The following AFF3 variants were observed in gnomAD, a reference collection of about 807,000 sequenced individuals.
AFF3 encodes AF4/FMR2 family member 3.
In AFF3, 32 loss-of-function variants were observed where a neutral mutation model predicts 129.7. That is an observed-to-expected ratio of 0.25 (90% CI 0.19 to 0.33). The LOEUF is 0.33. Among genes scored for constraint, AFF3 ranks in the 10% least tolerant of loss-of-function variants. The probability of loss-of-function intolerance (pLI) is 1.00; values close to 1 mark genes in which losing one functional copy is unlikely to be tolerated. For missense variants in AFF3, 1,373 were observed against 1,592.0 expected, an observed-to-expected ratio of 0.86 and a Z score of 2.34; for synonymous variants, 644 against 635.4, an observed-to-expected ratio of 1.01 and a Z score of -0.20.
At chr2:99,853,890 T>C (rs1042809870) in intron 7 of AFF3, among the ~76,000 whole-genome samples, 3 of 152,232 alleles carry the variant, frequency 2.0e-5, no homozygotes, top group Non-Finnish European at 4.4e-5. Context: ...AAATTTATAA[T>C]GGAAATCCTT....
intron 7 of AFF3, among the ~76,000 whole-genome samples, chr2:99,909,129 C>T (rs1694935850): frequency 6.6e-6 from 1 of 152,028 alleles, no homozygotes; most frequent in African/African-American, 2.4e-5. Flanking sequence ...AAATGTGGCA[C>T]ATATACACCA....
chr2:99,624,643 TCTC>T (rs1434369840), intron 13 of AFF3, among the ~76,000 whole-genome samples: 2 of 151,840 alleles, frequency 1.3e-5, no homozygotes, highest in African/African-American at 4.8e-5. Context: ...AATAGAAAAA[TCTC>T]CTCAGCCTCA....
In AFF3 at chr2:99,944,954, C is replaced by T. The variant is rs148672506; in HGVS notation, c.873+61678G>A. Among the ~76,000 whole-genome samples the T allele has an allele frequency of 5.5e-3, 832 of 152,312 alleles. 8 individuals are homozygous for T. The highest frequency in any genetic ancestry group is 0.019 in the African/African-American group (799 of 41,556). On this transcript the variant is annotated intron_variant, in intron 7 of 24. Coordinates refer to ENST00000672756, the MANE Select transcript of AFF3 (RefSeq NM_001386135.1). ...AGAAAATGCAGTCATAAGGACTTCA[C>T]GTGAGTCTTTGAGTAGAATTCAACC...
At chr2:99,583,093 G>A in intron 16 of AFF3, 94 bp from the exon 17 acceptor site, 1 of 1,091,786 alleles carries the variant, frequency 9.2e-7, no homozygotes, top group Non-Finnish European at 1.4e-6. Flanking sequence ...ACTGGGACCT[G>A]TTGGTAGGAG....
intron 4 of AFF3, among the ~76,000 whole-genome samples, chr2:100,060,520 A>G (rs911105871): frequency 2.6e-5 from 4 of 152,214 alleles, no homozygotes; most frequent in African/African-American, 9.6e-5. Context: ...TTGCTGAAAT[A>G]CAGGTAACAC....
chr2:99,802,783 C>T (rs1469466608), intron 8 of AFF3, among the ~76,000 whole-genome samples: 2 of 147,538 alleles, frequency 1.4e-5, no homozygotes, highest in Admixed American at 6.8e-5. Context: ...TATAGCAGTG[C>T]TACTGATTTG....
At chr2:99,766,038 C>T in intron 8 of AFF3, among the ~76,000 whole-genome samples, 1 of 152,220 alleles carries the variant, frequency 6.6e-6, no homozygotes, top group Non-Finnish European at 1.5e-5. Flanking sequence ...CCCTTGCAGG[C>T]ACCAGCTTGG....
intron 8 of AFF3, among the ~76,000 whole-genome samples, chr2:99,797,652 G>A (rs1296231554): frequency 1.3e-5 from 2 of 151,958 alleles, no homozygotes; most frequent in African/African-American, 2.4e-5. Context: ...AAAACCAGTG[G>A]TAAAAGAGAA....
chr2:99,726,975 C>T (rs1679410353), intron 11 of AFF3, 102 bp downstream of exon 11: 2 of 1,048,556 alleles, frequency 1.9e-6, no homozygotes, highest in Admixed American at 6.0e-5. Flanking sequence ...CCATGGGCTT[C>T]CTTCCATCAT....
chr2:99,550,608 T>C lies in AFF3; in HGVS notation c.*866A>G, dbSNP rs981182857. 8.6e-6 allele frequency: 2 copies of C among 232,704 alleles called. No individual in the cohort carries two copies. Among genetic ancestry groups the C allele is most frequent in the South Asian group, 3.6e-4 (2 of 5,520 alleles). 14.4% of individuals were successfully genotyped at this position (232,704 alleles called of 1,614,324 possible). A position where few individuals can be genotyped will look rare whatever the true frequency, so the allele number is the denominator to read the frequency against. On this transcript the variant is annotated 3_prime_UTR_variant, in exon 25 of 25. Transcript: ENST00000672756. ...CACAGTGGCAGGAAGAAGAAATGCA[T>C]GTGGCTGGTGGGCTTGTTATCACAG...
chr2:99,615,601 C>T (rs1681343358), intron 13 of AFF3, among the ~76,000 whole-genome samples: 1 of 152,244 alleles, frequency 6.6e-6, no homozygotes, highest in African/African-American at 2.4e-5. Flanking sequence ...CAACTCCTCC[C>T]CTGGCAGAGG....
At chr2:99,969,510 C>CA (rs1166316511) in intron 7 of AFF3, among the ~76,000 whole-genome samples, 1 of 103,472 alleles carries the variant, frequency 9.7e-6, no homozygotes, top group East Asian at 1.9e-4. Flanking sequence ...TTTTTTGAGA[C>CA]AGAGTTTCAC....
At chr2:99,726,162 A>G (rs570715069) in intron 11 of AFF3, among the ~76,000 whole-genome samples, 1 of 152,366 alleles carries the variant, frequency 6.6e-6, no homozygotes, top group East Asian at 1.9e-4. Flanking sequence ...ATATAATCAT[A>G]TCTCTTATGA....
chr2:100,126,335 T>C (rs974963509), intron 2 of AFF3, among the ~76,000 whole-genome samples: 8 of 152,188 alleles, frequency 5.3e-5, no homozygotes, highest in Non-Finnish European at 1.2e-4. Flanking sequence ...CTCAGGAGCA[T>C]GAGGCCGGGC....
chr2:99,904,514 A>G (rs1694572407), intron 7 of AFF3, among the ~76,000 whole-genome samples: 2 of 152,116 alleles, frequency 1.3e-5, no homozygotes, highest in Non-Finnish European at 2.9e-5. Flanking sequence ...ATCTTGTGAG[A>G]CAAACACTAG....
chr2:99,556,680 G>C (rs1332535247), intron 22 of AFF3, among the ~76,000 whole-genome samples: 3 of 152,176 alleles, frequency 2.0e-5, no homozygotes, highest in African/African-American at 4.8e-5. Flanking sequence ...CTAGCACTTT[G>C]GGAGGCCAAG....
chr2:99,689,740 C>T (rs1187245044), intron 11 of AFF3, among the ~76,000 whole-genome samples: 3 of 149,374 alleles, frequency 2.0e-5, no homozygotes, highest in East Asian at 2.0e-4. Flanking sequence ...AGTCGATCCA[C>T]GACTCCAAAT....
intron 8 of AFF3, among the ~76,000 whole-genome samples, chr2:99,761,369 C>G (rs1558825060): frequency 6.6e-6 from 1 of 152,126 alleles, no homozygotes; most frequent in Non-Finnish European, 1.5e-5. Context: ...GGCACATGGG[C>G]CAGTTTCCAT....
Position 99,594,064 on chromosome 2 carries a change from G to A in AFF3, c.1597C>T (p.Pro533Ser). The A allele has an allele frequency of 6.2e-7, 1 of 1,613,492 alleles. No individual in the cohort carries two copies. Among genetic ancestry groups the A allele is most frequent in the Non-Finnish European group, 8.5e-7 (1 of 1,179,638 alleles). Residue 533 changes from proline to serine, a missense_variant, in exon 15 of 25, where the codon CCA becomes TCA. By Grantham distance (74) the Pro-to-Ser change is moderately conservative. Transcript: ENST00000672756. ...CCAGGGGCCTTGTTGGCTGTCCTTG[G>A]CCTTTGCTCCTCCTTGCAAGTGCTC... ...IKSTCKEEQR[P>S]RTANKAPGSK...
Sources: allele counts gnomAD v4.1 joint callset (sites outside exome capture counted in the v4.1 genomes callset), GRCh38; gene constraint gnomAD v4.1.1; transcripts MANE v1.5; gene names NCBI Gene and HGNC (gene_info 2026-07-23, HGNC 2026-07-21).